The following SLC6A2 variants were observed in gnomAD, a reference collection of about 807,000 sequenced individuals.
SLC6A2 encodes solute carrier family 6 member 2, also known as sodium-dependent noradrenaline transporter.
A neutral mutation model predicts 71.7 loss-of-function variants in SLC6A2; 26 were observed. The ratio of observed to expected loss-of-function variants is 0.36; its 90% CI spans 0.27 to 0.50. The LOEUF (loss-of-function observed/expected upper bound fraction) is 0.50, where lower values mean the gene tolerates loss of function less well. SLC6A2 is among the 20% of genes least tolerant of loss of function. The probability of loss-of-function intolerance (pLI) is 0.96; values close to 1 mark genes in which losing one functional copy is unlikely to be tolerated. For synonymous variants in SLC6A2, 363 were observed against 337.9 expected, an observed-to-expected ratio of 1.07 and a Z score of -0.82; for missense variants, 581 against 803.9, an observed-to-expected ratio of 0.72 and a Z score of 3.35.
chr16:55,663,371 C>T (rs180817104), intron 2 of SLC6A2, among the ~76,000 whole-genome samples: 1 of 152,290 alleles, frequency 6.6e-6, no homozygotes, highest in Non-Finnish European at 1.5e-5. Flanking sequence ...TGGTTCCCCT[C>T]TTGCCATGTG....
At chr16:55,673,531 T>C (rs1011242357) in intron 4 of SLC6A2, among the ~76,000 whole-genome samples, 1 of 152,180 alleles carries the variant, frequency 6.6e-6, no homozygotes, top group Non-Finnish European at 1.5e-5. Flanking sequence ...CTAGTTATAA[T>C]TTCCTATTTC....
intron 9 of SLC6A2, among the ~76,000 whole-genome samples, chr16:55,696,574 G>C (rs1473006004): frequency 6.6e-6 from 1 of 152,180 alleles, no homozygotes; most frequent in African/African-American, 2.4e-5. Context: ...CAAAAGAAGA[G>C]GCTTCAGATA....
In SLC6A2 at chr16:55,701,953, C is replaced by A. The variant is rs758644102; in HGVS notation, c.1830+19C>A. On this transcript the variant is annotated intron_variant, in intron 14 of 14. Transcript: ENST00000568943. ...GTTCCAGGTGGGTGAAGCCTAGACC[C>A]CTGGGGTGGAGATTACAAGGGCGGG... 1 of 1,596,344 alleles carries A rather than the reference C, an allele frequency of 6.3e-7. No individual in the cohort carries two copies. Among genetic ancestry groups the A allele is most frequent in the South Asian group, 1.1e-5 (1 of 90,710 alleles).
chr16:55,674,507 C>A (rs1455266366), intron 4 of SLC6A2, among the ~76,000 whole-genome samples: 3 of 151,202 alleles, frequency 2.0e-5, no homozygotes, highest in Admixed American at 2.0e-4. Context: ...TCACTGCAAC[C>A]TCTGTGTCCC....
In SLC6A2 at chr16:55,664,922, G is replaced by A. The variant is rs139910033; in HGVS notation, c.275-4643G>A. On this transcript the variant is annotated intron_variant, in intron 2 of 14. Coordinates refer to ENST00000568943, the MANE Select transcript of SLC6A2 (RefSeq NM_001172501.3). Reference sequence around the variant, plus strand: ...AATACCCCACCACCCTCCAATACCCGGACGGTGGAATTCCCTGCCCAAACA... The same window carrying A: ...AATACCCCACCACCCTCCAATACCCAGACGGTGGAATTCCCTGCCCAAACA... 6.6e-4 allele frequency among the ~76,000 whole-genome samples: 101 copies of A among 152,216 alleles called. No homozygotes were observed. In the East Asian group the frequency reaches 0.018, roughly 27 times the overall value.
chr16:55,679,804 C>A (rs1965211255), intron 4 of SLC6A2, among the ~76,000 whole-genome samples: 1 of 152,100 alleles, frequency 6.6e-6, no homozygotes, highest in Non-Finnish European at 1.5e-5. Flanking sequence ...GTGGCAAGGC[C>A]AGGGATGAAC....
At position 55,706,161 on chromosome 16, in the gene SLC6A2, A is replaced by G. The variant is rs1321689392; in HGVS notation, c.*3815A>G. On this transcript the variant is annotated 3_prime_UTR_variant, in exon 15 of 15. Coordinates refer to ENST00000568943, the MANE Select transcript of SLC6A2 (RefSeq NM_001172501.3). ...TTCTCTTTGTGGAATATAAGTGTAC[A>G]GAATAATAAATAATGTTTCCTGGGC... The G allele has an allele frequency of 6.6e-6, 1 of 152,266 alleles. No homozygotes were observed. Among genetic ancestry groups the G allele is most frequent in the Non-Finnish European group, 1.5e-5 (1 of 68,058 alleles). 9.4% of individuals were successfully genotyped at this position (152,266 alleles called of 1,614,324 possible).
intron 12 of SLC6A2, 145 bp from the exon 13 acceptor site, chr16:55,699,994 C>T (rs1567458799): frequency 5.4e-6 from 4 of 738,952 alleles, no homozygotes; most frequent in South Asian, 4.5e-5. Context: ...TTTCTCTTTT[C>T]CACTCCTTCC....
intron 7 of SLC6A2, 79 bp from the exon 8 acceptor site, chr16:55,695,199 G>A (rs539531059): frequency 3.8e-6 from 6 of 1,572,682 alleles, no homozygotes; most frequent in Admixed American, 1.7e-5. Flanking sequence ...CAGGCTGCAG[G>A]TTCTATAGCC....
intron 2 of SLC6A2, among the ~76,000 whole-genome samples, chr16:55,665,038 C>T (rs1043178463): frequency 6.6e-6 from 1 of 152,116 alleles, no homozygotes. Context: ...GGGGTGTCTG[C>T]AAGGCGGGTG....
chr16:55,672,694 C>T (rs1964960885), intron 4 of SLC6A2, among the ~76,000 whole-genome samples: 1 of 152,166 alleles, frequency 6.6e-6, no homozygotes, highest in African/African-American at 2.4e-5. Flanking sequence ...GTCTGACTCA[C>T]CCTGGGCTGC....
At chr16:55,696,386 C>A (rs766635430) in intron 9 of SLC6A2, 49 bp downstream of exon 9, 2 of 1,100,906 alleles carry the variant, frequency 1.8e-6, no homozygotes, top group South Asian at 2.5e-5. Flanking sequence ...CTGGGCCTGA[C>A]CCCCTTCCCC....
Position 55,694,118 on chromosome 16 carries a change from G to C in SLC6A2, c.1022+5G>C, listed in dbSNP as rs200194488. ...ATTTGACAACAACTGTTACAGGTAA[G>C]ATTCTTCTCAGAATTCTGAGAAGCT... On this transcript the variant is annotated splice_donor_5th_base_variant and intron_variant, in intron 7 of 14. Transcript: ENST00000568943. 861 of 1,543,156 alleles carry C rather than the reference G, an allele frequency of 5.6e-4. No homozygotes were observed. The highest frequency in any genetic ancestry group is 7.4e-4 in the Non-Finnish European group (830 of 1,115,388).
chr16:55,703,890 C>A lies in SLC6A2; in HGVS notation c.*1544C>A. 1.2e-6 allele frequency: 1 copy of A among 843,528 alleles called. No homozygotes were observed. The allele number at this position is 843,528 out of a possible 1,614,324, so 52.3% of individuals were successfully genotyped here. A position where few individuals can be genotyped will look rare whatever the true frequency, so the allele number is the denominator to read the frequency against. ...GTGGGGCAGGGAGATGGTTTTGTCT[C>A]CCAGGGTCCTGAGGTTTCCTTGCTG... On this transcript the variant is annotated 3_prime_UTR_variant, in exon 15 of 15. Coordinates refer to ENST00000568943, the MANE Select transcript of SLC6A2 (RefSeq NM_001172501.3).
chr16:55,661,768 T>A (rs1246755650), intron 2 of SLC6A2, among the ~76,000 whole-genome samples: 4 of 152,232 alleles, frequency 2.6e-5, no homozygotes, highest in Non-Finnish European at 5.9e-5. Context: ...TTATAATTCC[T>A]GCATGGGGTC....
Position 55,705,288 on chromosome 16 carries a change from G to A in SLC6A2, c.*2942G>A, listed in dbSNP as rs1482403994. The A allele has an allele frequency of 1.0e-5, 16 of 1,530,246 alleles. No homozygotes were observed. Among genetic ancestry groups the A allele is most frequent in the Non-Finnish European group, 1.4e-5 (16 of 1,142,178 alleles). The allele number at this position is 1,530,246 out of a possible 1,614,324, so 94.8% of individuals were successfully genotyped here. On this transcript the variant is annotated 3_prime_UTR_variant, in exon 15 of 15. Coordinates refer to ENST00000568943, the MANE Select transcript of SLC6A2 (RefSeq NM_001172501.3). ...ATCCTGCTGAACAGAAATCCCTGAAGCTGCCTTAATTCTCAAAAGGAGTTA... is the reference window on the plus strand; with the variant it reads ...ATCCTGCTGAACAGAAATCCCTGAAACTGCCTTAATTCTCAAAAGGAGTTA...
chr16:55,698,113 C>T (rs1965856986), intron 10 of SLC6A2, 88 bp downstream of exon 10: 19 of 1,437,942 alleles, frequency 1.3e-5, no homozygotes, highest in Non-Finnish European at 1.8e-5. Flanking sequence ...AGAACTGGGG[C>T]TGAGCTCAGG....
rs1966021812 is a variant in SLC6A2, at chr16:55,703,025, G to A, written c.*679G>A. 1 of 986,656 alleles carries A rather than the reference G, an allele frequency of 1.0e-6. No individual in the cohort carries two copies. Among genetic ancestry groups the A allele is most frequent in the East Asian group, 1.1e-4 (1 of 8,838 alleles). The allele number at this position is 986,656 out of a possible 1,614,324, so 61.1% of individuals were successfully genotyped here. ...CTGGAACATTCCTCCAGCTTTTGGT[G>A]GTCAGATGGCCCAGAGATATGGGGG... is the stretch of plus-strand genomic sequence containing the variant. On this transcript the variant is annotated 3_prime_UTR_variant, in exon 15 of 15. Coordinates refer to ENST00000568943, the MANE Select transcript of SLC6A2 (RefSeq NM_001172501.3).
Position 55,703,079 on chromosome 16 carries a change from G to A in SLC6A2, c.*733G>A. The A allele has an allele frequency of 1.0e-6, 1 of 986,292 alleles. No homozygotes were observed. Among genetic ancestry groups the A allele is most frequent in the Middle Eastern group, 5.2e-4 (1 of 1,914 alleles). The allele number at this position is 986,292 out of a possible 1,614,324, so 61.1% of individuals were successfully genotyped here. On this transcript the variant is annotated 3_prime_UTR_variant, in exon 15 of 15. Coordinates refer to ENST00000568943, the MANE Select transcript of SLC6A2 (RefSeq NM_001172501.3). ...GGAGGAAGAGGGTAAATGAACCACAGTGAGCAGGTTCTAGGAGGTACCTGC... is the reference window on the plus strand; with the variant it reads ...GGAGGAAGAGGGTAAATGAACCACAATGAGCAGGTTCTAGGAGGTACCTGC...
Sources: allele counts gnomAD v4.1 joint callset (sites outside exome capture counted in the v4.1 genomes callset), GRCh38; gene constraint gnomAD v4.1.1; transcripts MANE v1.5; gene names NCBI Gene and HGNC (gene_info 2026-07-23, HGNC 2026-07-21).